DYM: variants seen among roughly 807,000 people sequenced by gnomAD.
The protein encoded by DYM is dyggve-Melchior-Clausen syndrome protein.
In DYM, 78 loss-of-function variants were observed where a neutral mutation model predicts 93.1. The observed-to-expected ratio is 0.84, with a 90% CI of 0.70 to 1.01. The LOEUF (loss-of-function observed/expected upper bound fraction) is 1.01. DYM is among the 50% of genes least tolerant of loss of function. The probability of loss-of-function intolerance (pLI) is 0.00; values close to 1 mark genes in which losing one functional copy is unlikely to be tolerated. For synonymous variants in DYM, 321 were observed against 319.7 expected, an observed-to-expected ratio of 1.00 and a Z score of -0.04; for missense variants, 789 against 845.0, an observed-to-expected ratio of 0.93 and a Z score of 0.82.
At chr18:49,196,206 G>T (rs567172287) in intron 14 of DYM, among the ~76,000 whole-genome samples, 18 of 152,232 alleles carry the variant, frequency 1.2e-4, no homozygotes, top group Non-Finnish European at 2.1e-4. Flanking sequence ...GATTACAGGT[G>T]TGAGCCACTG....
At chr18:49,056,738 G>A (rs375116171) in intron 17 of DYM, among the ~76,000 whole-genome samples, 5 of 151,420 alleles carry the variant, frequency 3.3e-5, no homozygotes, top group Admixed American at 6.6e-5. Flanking sequence ...TAGTAGAGAC[G>A]GGGTTTCACC....
At chr18:49,317,599 C>CTCTCTCTCTCT (rs1200969854) in intron 8 of DYM, among the ~76,000 whole-genome samples, 1 of 22,102 alleles carries the variant, frequency 4.5e-5, no homozygotes, top group African/African-American at 2.6e-4. Context: ...CTCTCTCTCC[C>CTCTCTCTCTCT]CCCTCCCCCC....
chr18:49,144,992 C>T (rs752585091), intron 15 of DYM, among the ~76,000 whole-genome samples: 2 of 150,032 alleles, frequency 1.3e-5, no homozygotes, highest in East Asian at 2.0e-4. Flanking sequence ...CCCAGCTACT[C>T]GAAAGGCTGA....
intron 8 of DYM, chr18:49,321,154 C>T (rs909210603): frequency 1.1e-5 from 4 of 379,622 alleles, no homozygotes; most frequent in Non-Finnish European, 1.9e-5. Flanking sequence ...TTTTAATATT[C>T]TCACTTTTAA....
At chr18:49,310,819 C>T (rs2061545506) in intron 8 of DYM, among the ~76,000 whole-genome samples, 1 of 152,040 alleles carries the variant, frequency 6.6e-6, no homozygotes, top group South Asian at 2.1e-4. Flanking sequence ...GTAAAGCATT[C>T]TAGCCAAATG....
At position 49,415,179 on chromosome 18, in the gene DYM, C is replaced by T. The variant is rs778341879; in HGVS notation, c.140+15076G>A. 6.3e-4 allele frequency among the ~76,000 whole-genome samples: 96 copies of T among 151,280 alleles called. 2 individuals carry two copies. The highest frequency in any genetic ancestry group is 6.0e-4 in the Non-Finnish European group (41 of 67,820). Reference sequence around the variant, plus strand: ...CTCTACCAAAAATACAAAAATTAGCCGAGCATGGCACACACCTGTAGTCCC... The same window carrying T: ...CTCTACCAAAAATACAAAAATTAGCTGAGCATGGCACACACCTGTAGTCCC... On this transcript the variant is annotated intron_variant, in intron 2 of 17. Coordinates refer to ENST00000675505, the MANE Select transcript of DYM (RefSeq NM_001353214.3).
chr18:49,303,431 G>GAAGT (rs1237770208), intron 8 of DYM, among the ~76,000 whole-genome samples: 29 of 152,330 alleles, frequency 1.9e-4, no homozygotes, highest in African/African-American at 7.0e-4. Flanking sequence ...CACAGATGAT[G>GAAGT]AAGTCTGCTA....
intron 15 of DYM, among the ~76,000 whole-genome samples, chr18:49,126,659 A>AC (rs2082864844): frequency 6.6e-6 from 1 of 151,938 alleles, no homozygotes; most frequent in African/African-American, 2.4e-5. Context: ...ATATTATTTG[A>AC]TTTTTTTTCA....
chr18:49,336,380 C>G (rs1351688243), intron 6 of DYM, among the ~76,000 whole-genome samples: 1 of 152,066 alleles, frequency 6.6e-6, no homozygotes, highest in Admixed American at 6.6e-5. Context: ...AAGTGTTAAC[C>G]TTGGATCATC....
intron 13 of DYM, among the ~76,000 whole-genome samples, chr18:49,256,626 G>T (rs1310670211): frequency 6.6e-6 from 1 of 152,048 alleles, no homozygotes; most frequent in Non-Finnish European, 1.5e-5. Context: ...CTAATACACG[G>T]GTGAACTGCT....
chr18:49,275,849 T>C (rs2094835920), intron 10 of DYM, among the ~76,000 whole-genome samples: 1 of 152,210 alleles, frequency 6.6e-6, no homozygotes, highest in Non-Finnish European at 1.5e-5. Context: ...AACTATTTTC[T>C]TAACTTCATT....
At chr18:49,124,508 CA>C (rs5824778) in intron 15 of DYM, among the ~76,000 whole-genome samples, 103,254 of 131,530 alleles carry the variant, frequency 0.79, 40,042 homozygotes, top group South Asian at 0.89. Flanking sequence ...GACCCTGTCT[CA>C]AAAAAAAAAA....
At chr18:49,456,968 A>G (rs1385401374) in intron 1 of DYM, among the ~76,000 whole-genome samples, 1 of 152,246 alleles carries the variant, frequency 6.6e-6, no homozygotes, top group Non-Finnish European at 1.5e-5. Flanking sequence ...GAAACCCACT[A>G]GGAAACAGGA....
intron 2 of DYM, among the ~76,000 whole-genome samples, chr18:49,423,827 C>T (rs549994452): frequency 2.0e-5 from 3 of 152,268 alleles, no homozygotes; most frequent in African/African-American, 7.2e-5. Flanking sequence ...GACACATACA[C>T]CCTCCCAAGA....
intron 13 of DYM, among the ~76,000 whole-genome samples, chr18:49,221,099 A>G (rs4383218): frequency 0.63 from 95,979 of 151,980 alleles, 31,543 homozygotes; most frequent in Non-Finnish European, 0.74. Flanking sequence ...GGTGAAGAAC[A>G]TGAACAGACA....
chr18:49,355,747 T>C (rs2065505644), intron 6 of DYM, among the ~76,000 whole-genome samples: 1 of 152,222 alleles, frequency 6.6e-6, no homozygotes, highest in African/African-American at 2.4e-5. Context: ...TTTTTAATTC[T>C]GTACTTTCTG....
At chr18:49,113,427 T>C (rs2081612451) in intron 16 of DYM, among the ~76,000 whole-genome samples, 1 of 152,188 alleles carries the variant, frequency 6.6e-6, no homozygotes, top group Non-Finnish European at 1.5e-5. Flanking sequence ...TAGGCACCAG[T>C]GTGTAATAAA....
At chr18:49,235,872 T>C (rs547587140) in intron 13 of DYM, among the ~76,000 whole-genome samples, 16 of 152,096 alleles carry the variant, frequency 1.1e-4, no homozygotes, top group African/African-American at 3.4e-4. Flanking sequence ...AACATAATAC[T>C]ATAAAATTTT....
At chr18:49,113,664 A>G (rs1435579585) in intron 16 of DYM, among the ~76,000 whole-genome samples, 6 of 152,210 alleles carry the variant, frequency 3.9e-5, no homozygotes, top group Non-Finnish European at 8.8e-5. Context: ...GGTTAACTCT[A>G]TGAAAGAAGA....
Sources: gnomAD v4.1 joint callset for allele counts (sites outside exome capture counted in the v4.1 genomes callset) on GRCh38, gnomAD v4.1.1 for gene constraint, MANE v1.5 for transcripts, NCBI Gene and HGNC (gene_info 2026-07-23, HGNC 2026-07-21) for gene names.